NUBPL: variants seen among roughly 807,000 people sequenced by gnomAD.
NUBPL encodes the protein NUBP iron-sulfur cluster assembly factor, mitochondrial.
A neutral mutation model predicts 45.7 loss-of-function variants in NUBPL; 31 were observed. The observed-to-expected ratio is 0.68, with a 90% confidence interval of 0.51 to 0.92. NUBPL has a LOEUF of 0.92. Ranked by LOEUF, NUBPL falls within the 40% of genes least tolerant of loss-of-function variation. The pLI, the probability that NUBPL is intolerant of heterozygous loss-of-function variation, is 0.00. For synonymous variants in NUBPL, 144 were observed against 140.9 expected, an observed-to-expected ratio of 1.02 and a Z score of -0.15; for missense variants, 401 against 398.7, an observed-to-expected ratio of 1.01 and a Z score of -0.05.
intron 10 of NUBPL, among the ~76,000 whole-genome samples, chr14:31,856,710 G>T (rs944135640): frequency 6.6e-6 from 1 of 152,138 alleles, no homozygotes; most frequent in Non-Finnish European, 1.5e-5. Flanking sequence ...CAATCTGGTG[G>T]GACAGTCAAA....
chr14:31,562,359 G>A (rs751513256), intron 2 of NUBPL, 144 bp downstream of exon 2: 1 of 815,532 alleles, frequency 1.2e-6, no homozygotes, highest in South Asian at 2.0e-5. Context: ...AGTTGGTAGC[G>A]GGTAGACGCT....
In NUBPL at chr14:31,809,595, G is replaced by GT. The variant is rs948748828; in HGVS notation, c.608-17028dup. ...CCTGGATTCATTGATTTTTTGAAGG[G>GT]TTTTTTGTGTCTCTATTTCCTTCAG... is the stretch of plus-strand genomic sequence containing the variant. On this transcript the variant is annotated intron_variant, in intron 7 of 10. Coordinates refer to ENST00000281081, the MANE Select transcript of NUBPL (RefSeq NM_025152.3). 1.1e-3 allele frequency among the ~76,000 whole-genome samples: 161 copies of GT among 152,190 alleles called. 1 individual carries two copies. The highest frequency in any genetic ancestry group is 3.7e-3 in the African/African-American group (154 of 41,536).
intron 6 of NUBPL, among the ~76,000 whole-genome samples, chr14:31,728,362 A>G (rs905697211): frequency 1.1e-4 from 16 of 152,128 alleles, no homozygotes; most frequent in Non-Finnish European, 1.8e-4. Context: ...ACATTTCCCA[A>G]GATGGTCTCC....
At chr14:31,607,074 T>G (rs937423910) in intron 4 of NUBPL, among the ~76,000 whole-genome samples, 12 of 152,108 alleles carry the variant, frequency 7.9e-5, no homozygotes, top group South Asian at 2.1e-4. Context: ...CTTCTCTAAT[T>G]TTCAGTTTAG....
rs150427031 is a variant in NUBPL, at chr14:31,748,705, C to T, written c.514-39075C>T. ...TCGGCTCACTGCAACCTCTGCCTCC[C>T]GGGTTCAAGCGTTTCTCCTGTCTCA... On this transcript the variant is annotated intron_variant, in intron 6 of 10. Coordinates refer to ENST00000281081, the MANE Select transcript of NUBPL (RefSeq NM_025152.3). Among the ~76,000 whole-genome samples, 336 of 152,144 alleles carry T rather than the reference C, an allele frequency of 2.2e-3. 1 individual carries two copies. Among genetic ancestry groups the T allele is most frequent in the Non-Finnish European group, 4.3e-3 (289 of 67,984 alleles).
intron 4 of NUBPL, among the ~76,000 whole-genome samples, chr14:31,669,773 C>T (rs1358309690): frequency 6.3e-5 from 8 of 127,084 alleles, no homozygotes; most frequent in Non-Finnish European, 9.8e-5. Flanking sequence ...CTCTATCCAT[C>T]TTCCTGCAAA....
Position 31,730,463 on chromosome 14 carries a change from CTTTTTTTTT to C in NUBPL, c.513+56899_513+56907del, listed in dbSNP as rs1219334725. Among the ~76,000 whole-genome samples the C allele has an allele frequency of 2.2e-5, 3 of 137,882 alleles. No individual in the cohort carries two copies. In the East Asian group the frequency reaches 6.3e-4, roughly 29 times the overall value. 90.5% of individuals were successfully genotyped at this position (137,882 alleles called of 152,430 possible). On this transcript the variant is annotated intron_variant, in intron 6 of 10. Coordinates refer to ENST00000281081, the MANE Select transcript of NUBPL (RefSeq NM_025152.3). ...ATCATCATCTGCTGGATCAAGTAAT[CTTTTTTTTT>C]TTTTTTTTTGAGATGGAGTCTTGCA...
chr14:31,780,585 T>G (rs186550592), intron 6 of NUBPL, among the ~76,000 whole-genome samples: 2 of 152,216 alleles, frequency 1.3e-5, no homozygotes, highest in African/African-American at 4.8e-5. Flanking sequence ...AACAATTAAG[T>G]TATGACTTAA....
chr14:31,757,169 G>T (rs546433450), intron 6 of NUBPL, among the ~76,000 whole-genome samples: 45 of 127,886 alleles, frequency 3.5e-4, no homozygotes, highest in Middle Eastern at 4.0e-3. Context: ...TCTCTTTTTT[G>T]GTTGTGTCTC....
At chr14:31,652,666 A>G (rs1489573073) in intron 4 of NUBPL, among the ~76,000 whole-genome samples, 3 of 152,214 alleles carry the variant, frequency 2.0e-5, no homozygotes, top group Non-Finnish European at 4.4e-5. Flanking sequence ...AAAGACATCA[A>G]TATATAAAAA....
intron 10 of NUBPL, among the ~76,000 whole-genome samples, chr14:31,855,153 A>G (rs553309695): frequency 1.1e-4 from 16 of 152,212 alleles, no homozygotes; most frequent in Non-Finnish European, 1.6e-4. Context: ...GCTTTAGTGA[A>G]CTTTAAATTT....
intron 3 of NUBPL, among the ~76,000 whole-genome samples, chr14:31,587,727 A>G (rs993501182): frequency 6.6e-6 from 1 of 152,214 alleles, no homozygotes; most frequent in African/African-American, 2.4e-5. Context: ...ATTTTTGTGA[A>G]ATATGCTACT....
chr14:31,750,616 C>T (rs2038506290), intron 6 of NUBPL, among the ~76,000 whole-genome samples: 1 of 151,966 alleles, frequency 6.6e-6, no homozygotes, highest in Admixed American at 6.6e-5. Context: ...TATCATTCTT[C>T]TTTTGTCCCC....
chr14:31,849,536 A>T (rs559851447), intron 9 of NUBPL, among the ~76,000 whole-genome samples: 1 of 152,258 alleles, frequency 6.6e-6, no homozygotes, highest in Non-Finnish European at 1.5e-5. Flanking sequence ...ACTTGCTGAG[A>T]TCTCACCAAG....
intron 6 of NUBPL, among the ~76,000 whole-genome samples, chr14:31,712,567 C>A (rs1168897707): frequency 1.3e-5 from 2 of 152,238 alleles, no homozygotes; most frequent in African/African-American, 2.4e-5. Flanking sequence ...CGGCCAGCCC[C>A]AGAGAGGGGC....
chr14:31,789,430 CAAG>C lies in NUBPL; in HGVS notation c.607+1560_607+1562del, dbSNP rs1452637833. On this transcript the variant is annotated intron_variant, in intron 7 of 10. Transcript: ENST00000281081. ...ATAGTCTGCTAATTAATATTAAAGTCAAGAAAGCAATAAACATAGCTTATATCA... is the reference window on the plus strand; with the variant it reads ...ATAGTCTGCTAATTAATATTAAAGTCAAAGCAATAAACATAGCTTATATCA... Among the ~76,000 whole-genome samples the C allele has an allele frequency of 5.3e-5, 8 of 152,046 alleles. No individual in the cohort carries two copies. The East Asian group carries it at 1.5e-3, about 29-fold the overall frequency.
chr14:31,673,477 G>T lies in NUBPL; in HGVS notation c.423-7G>T, dbSNP rs764643986. On this transcript the variant is annotated splice_region_variant and splice_polypyrimidine_tract_variant and intron_variant, in intron 5 of 10. Coordinates refer to ENST00000281081, the MANE Select transcript of NUBPL (RefSeq NM_025152.3). ...AAATTAGTTGTATTTTTATGTTACT[G>T]TTGCAGTATGTCTATGGGCTTTCTG... 23 of 1,612,778 alleles carry T rather than the reference G, an allele frequency of 1.4e-5. 3 individuals carry two copies. In the South Asian group the frequency reaches 2.4e-4, roughly 17 times the overall value.
At chr14:31,700,361 T>C (rs1352651506) in intron 6 of NUBPL, among the ~76,000 whole-genome samples, 1 of 152,088 alleles carries the variant, frequency 6.6e-6, no homozygotes, top group Non-Finnish European at 1.5e-5. Flanking sequence ...CTAGTTACTC[T>C]TCAGTAGTAG....
intron 4 of NUBPL, among the ~76,000 whole-genome samples, chr14:31,637,636 G>C (rs1355771453): frequency 6.6e-6 from 1 of 152,046 alleles, no homozygotes; most frequent in Non-Finnish European, 1.5e-5. Flanking sequence ...TCAATTCCTG[G>C]GTATCTTTGT....
Sources: allele counts gnomAD v4.1 joint callset (sites outside exome capture counted in the v4.1 genomes callset), GRCh38; gene constraint gnomAD v4.1.1; transcripts MANE v1.5; gene names NCBI Gene and HGNC (gene_info 2026-07-23, HGNC 2026-07-21).